Variants in CFAP61 observed in about 807,000 individuals in gnomAD.
The protein encoded by CFAP61 is cilia and flagella associated protein 61.
Under a neutral mutation model 135.6 loss-of-function variants are expected in CFAP61, and 107 were observed. The ratio of observed to expected loss-of-function variants is 0.79; its 90% CI spans 0.67 to 0.93. The LOEUF (loss-of-function observed/expected upper bound fraction) is 0.93. Ranked by LOEUF, CFAP61 falls within the 40% of genes least tolerant of loss-of-function variation. The probability of loss-of-function intolerance (pLI) is 0.00; values close to 1 mark genes in which losing one functional copy is unlikely to be tolerated. For missense variants in CFAP61, 1,507 were observed against 1,556.2 expected (o/e 0.97, Z 0.53); for synonymous variants, 575 against 578.5 (o/e 0.99, Z 0.09).
At chr20:20,069,504 C>G (rs768783916) in intron 2 of CFAP61, among the ~76,000 whole-genome samples, 41 of 152,146 alleles carry the variant, frequency 2.7e-4, no homozygotes, top group Admixed American at 1.3e-3. Context: ...GTCTCAAACT[C>G]CTGGCCTCAA....
chr20:20,345,882 A>G (rs1049292988), intron 26 of CFAP61, among the ~76,000 whole-genome samples: 31 of 56,720 alleles, frequency 5.5e-4, no homozygotes, highest in African/African-American at 1.5e-3. Flanking sequence ...AGATTGTGCC[A>G]CTTTTTTTTT....
chr20:20,229,869 A>C (rs1216982238), intron 18 of CFAP61, among the ~76,000 whole-genome samples: 1 of 152,182 alleles, frequency 6.6e-6, no homozygotes, highest in Non-Finnish European at 1.5e-5. Context: ...GATGAGAAGC[A>C]CCTAGGAATA....
At chr20:20,358,060 G>A (rs868434561) in intron 26 of CFAP61, among the ~76,000 whole-genome samples, 58 of 148,542 alleles carry the variant, frequency 3.9e-4, no homozygotes, top group Middle Eastern at 3.6e-3. Context: ...TAGTGTGAGG[G>A]GAGGTGGTCA....
chr20:20,164,832 C>T (rs9784198), intron 11 of CFAP61, among the ~76,000 whole-genome samples: 1,526 of 152,230 alleles, frequency 0.01, 23 homozygotes, highest in African/African-American at 0.035. Context: ...CACAGTTCCA[C>T]GTGGCTGGGG....
intron 2 of CFAP61, among the ~76,000 whole-genome samples, chr20:20,063,390 AATG>A (rs1484254671): frequency 2.0e-5 from 3 of 152,242 alleles, no homozygotes; most frequent in Non-Finnish European, 4.4e-5. Context: ...AAAGGAATCT[AATG>A]ATGAACTAAA....
intron 13 of CFAP61, among the ~76,000 whole-genome samples, chr20:20,179,098 G>T (rs969950896): frequency 6.6e-6 from 1 of 152,144 alleles, no homozygotes; most frequent in Admixed American, 6.5e-5. Context: ...ATTCCTGTTT[G>T]CAGATGACAT....
At chr20:20,125,455 G>A (rs144600125) in intron 8 of CFAP61, among the ~76,000 whole-genome samples, 2,433 of 151,596 alleles carry the variant, frequency 0.016, 125 homozygotes, top group African/African-American at 0.057. Flanking sequence ...TTAAATTTCC[G>A]TCTTGATTTC....
intron 26 of CFAP61, among the ~76,000 whole-genome samples, chr20:20,357,090 C>T (rs1246582760): frequency 9.5e-6 from 1 of 105,056 alleles, no homozygotes. Flanking sequence ...GAGGTGGTCA[C>T]ACTGAGGGGA....
intron 2 of CFAP61, among the ~76,000 whole-genome samples, chr20:20,063,489 AAGG>A (rs1216874766): frequency 6.6e-6 from 1 of 152,238 alleles, no homozygotes; most frequent in African/African-American, 2.4e-5. Context: ...CAAATTAACA[AAGG>A]AGAAAATCTA....
chr20:20,064,322 C>T (rs2045072539), intron 2 of CFAP61, among the ~76,000 whole-genome samples: 1 of 152,188 alleles, frequency 6.6e-6, no homozygotes, highest in Non-Finnish European at 1.5e-5. Flanking sequence ...TTAGCAAGCT[C>T]AGCATACAAT....
chr20:20,301,533 C>A (rs777457748), intron 25 of CFAP61, among the ~76,000 whole-genome samples: 1 of 152,196 alleles, frequency 6.6e-6, no homozygotes, highest in Non-Finnish European at 1.5e-5. Flanking sequence ...ACCTGCCAAG[C>A]CTTGGTACTG....
At chr20:20,083,948 A>AT (rs760313485) in intron 6 of CFAP61, among the ~76,000 whole-genome samples, 22 of 152,242 alleles carry the variant, frequency 1.4e-4, no homozygotes, top group Non-Finnish European at 2.9e-4. Context: ...CTACAGTGGA[A>AT]TACTATATGG....
In CFAP61 at chr20:20,056,773, G is replaced by A. The variant is rs1260698913; in HGVS notation, c.120G>A (p.Gly40=). The A allele has an allele frequency of 1.2e-6, 2 of 1,614,042 alleles. No homozygotes were observed. Among genetic ancestry groups the A allele is most frequent in the South Asian group, 2.2e-5 (2 of 91,066 alleles). The change falls in exon 2 of 27, where the codon GGG becomes GGA. Residue 40 remains glycine, a synonymous_variant. Transcript: ENST00000245957. ...GAAAATTTACCTGCAAGCTGTTTGG[G>A]AAGCTAAATATCATCTATCTTCTGT... ...LIRKFTCKLF[G]KLNIIYLLEK...
chr20:20,310,675 T>C (rs1404538928), intron 25 of CFAP61, among the ~76,000 whole-genome samples: 2 of 152,202 alleles, frequency 1.3e-5, no homozygotes, highest in African/African-American at 4.8e-5. Context: ...CTAGCCAATC[T>C]CTGCCACAGT....
rs61453815 is a variant in CFAP61, at chr20:20,117,365, A to AAAATAAATAAATAAATAAAT, written c.859+18557_859+18576dup. 3.7e-3 allele frequency among the ~76,000 whole-genome samples: 565 copies of AAAATAAATAAATAAATAAAT among 151,450 alleles called. 14 individuals are homozygous for AAAATAAATAAATAAATAAAT. In the East Asian group the frequency reaches 0.042, roughly 11 times the overall value. Reference sequence around the variant, plus strand: ...TCTCAAAAAATAAATTAATAAGTTAAAAATAAATAAATAAATAAATAAATA... The same window carrying AAAATAAATAAATAAATAAAT: ...TCTCAAAAAATAAATTAATAAGTTAAAAATAAATAAATAAATAAATAAATAAATAAATAAATAAATAAATA... On this transcript the variant is annotated intron_variant, in intron 8 of 26. Transcript: ENST00000245957.
chr20:20,069,061 CGAGA>C (rs934407772), intron 2 of CFAP61, among the ~76,000 whole-genome samples: 1 of 152,002 alleles, frequency 6.6e-6, no homozygotes, highest in Non-Finnish European at 1.5e-5. Context: ...CTATATATAC[CGAGA>C]GATACTGGTT....
chr20:20,057,145 G>GAA (rs2044419833), intron 2 of CFAP61, among the ~76,000 whole-genome samples: 1 of 144,732 alleles, frequency 6.9e-6, no homozygotes, highest in African/African-American at 2.6e-5. Flanking sequence ...AAAAAAAGAA[G>GAA]GTTCCTCAAT....
chr20:20,195,102 A>G (rs2056196049), intron 15 of CFAP61, among the ~76,000 whole-genome samples: 1 of 152,182 alleles, frequency 6.6e-6, no homozygotes, highest in Non-Finnish European at 1.5e-5. Flanking sequence ...TACAGGGTCA[A>G]TGCAGATTGA....
intron 24 of CFAP61, among the ~76,000 whole-genome samples, chr20:20,297,239 T>C (rs1044912879): frequency 3.3e-5 from 5 of 152,240 alleles, no homozygotes; most frequent in Non-Finnish European, 5.9e-5. Context: ...CCCCAGGTGA[T>C]GTCCAGGACT....
Sources: gnomAD v4.1 joint callset for allele counts (sites outside exome capture counted in the v4.1 genomes callset) on GRCh38, gnomAD v4.1.1 for gene constraint, MANE v1.5 for transcripts, NCBI Gene and HGNC (gene_info 2026-07-23, HGNC 2026-07-21) for gene names.